Variants in OR10H5 observed in about 807,000 individuals in gnomAD.
OR10H5 encodes the protein olfactory receptor 10H5.
OR10H5 carries 7 observed loss-of-function variants against 12.2 expected under a neutral mutation model. The ratio of observed to expected loss-of-function variants is 0.57; its 90% CI spans 0.33 to 1.07. The LOEUF (loss-of-function observed/expected upper bound fraction) is 1.07. OR10H5 is among the 50% of genes least tolerant of loss of function. OR10H5 has a pLI of 0.04. For synonymous variants in OR10H5, 159 were observed against 175.1 expected (o/e 0.91, Z 0.73); for missense variants, 346 against 411.6 (o/e 0.84, Z 1.38).
In OR10H5 at chr19:15,795,688, A is replaced by G. The variant is rs10426473; in HGVS notation, c.*692A>G. On this transcript the variant is annotated 3_prime_UTR_variant, in exon 2 of 2. Coordinates refer to ENST00000642092, the MANE Select transcript of OR10H5 (RefSeq NM_001004466.2). The stretch of plus-strand genomic sequence containing the variant: ...TTGGGGTTTTGATTTGCATTTCCCC[A>G]ATGACTAATGACAGGCTTTAGGTGC... The G allele has an allele frequency of 0.94, 143,783 of 152,432 alleles. 67,868 individuals carry two copies. The highest frequency in any genetic ancestry group is 1 in the East Asian group (5,180 of 5,182). The allele number at this position is 152,432 out of a possible 1,614,324, so 9.4% of individuals were successfully genotyped here.
At position 15,794,336 on chromosome 19, in the gene OR10H5, C is replaced by A; in HGVS notation, c.288C>A (p.Ala96=). 6.2e-7 allele frequency: 1 copy of A among 1,614,144 alleles called. No individual in the cohort carries two copies. The highest frequency in any genetic ancestry group is 8.5e-7 in the Non-Finnish European group (1 of 1,179,994). The change falls in exon 2 of 2, where the codon GCC becomes GCA. Residue 96 remains alanine (A), a synonymous_variant. Transcript: ENST00000642092. ...LSTQRSIAFL[A]CASQMFFSFS... is the part of the protein sequence containing the mutation. ...CCCAGCGCTCCATCGCCTTCCTGGC[C>A]TGTGCCAGTCAGATGTTCTTCTCCT...
chr19:15,790,161 G>C (rs897996845), intron 1 of OR10H5, among the ~76,000 whole-genome samples: 1 of 152,138 alleles, frequency 6.6e-6, no homozygotes, highest in African/African-American at 2.4e-5. Context: ...CCAGGAGAGA[G>C]GAAGAGGTGA....
rs2088861151 is a variant in OR10H5 at position 15,800,191 on chromosome 19, C to T, written c.*5195C>T. ...CCTCAGAGCTTTTATCACAAGTTCC[C>T]ATATATATTAATTGGTGCAATTATT... On this transcript the variant is annotated 3_prime_UTR_variant, in exon 2 of 2. Coordinates refer to ENST00000642092, the MANE Select transcript of OR10H5 (RefSeq NM_001004466.2). The T allele has an allele frequency of 6.6e-6, 1 of 152,088 alleles. No homozygotes were observed. The highest frequency in any genetic ancestry group is 2.4e-5 in the African/African-American group (1 of 41,398). 9.4% of individuals were successfully genotyped at this position (152,088 alleles called of 1,614,324 possible).
chr19:15,795,217 C>T lies in OR10H5; in HGVS notation c.*221C>T, dbSNP rs1036274970. On this transcript the variant is annotated 3_prime_UTR_variant, in exon 2 of 2. Transcript: ENST00000642092. ...TCCATCCTTCCTCCCTCCCTCCCTC[C>T]CCCTTCCTTCTTCTCTGCCTACTTC... 30 of 561,022 alleles carry T rather than the reference C, an allele frequency of 5.3e-5. No individual in the cohort carries two copies. The South Asian group carries it at 6.5e-4, about 12-fold the overall frequency. 34.8% of individuals were successfully genotyped at this position (561,022 alleles called of 1,614,324 possible). A position where few individuals can be genotyped will look rare whatever the true frequency, so the allele number is the denominator to read the frequency against.
Position 15,794,324 on chromosome 19 carries a change from C to T in OR10H5, c.276C>T (p.Ile92=), listed in dbSNP as rs540433111. 6.8e-5 allele frequency: 110 copies of T among 1,614,158 alleles called. No homozygotes were observed. The Middle Eastern group carries it at 1.2e-3, about 17-fold the overall frequency. Residue 92 remains isoleucine (I), a synonymous_variant, in exon 2 of 2, where the codon ATC becomes ATT. Transcript: ENST00000642092. ...LADLLSTQRS[I]AFLACASQMF... ...ACCTGCTGTCCACCCAGCGCTCCATCGCCTTCCTGGCCTGTGCCAGTCAGA... is the reference window on the plus strand; with the variant it reads ...ACCTGCTGTCCACCCAGCGCTCCATTGCCTTCCTGGCCTGTGCCAGTCAGA...
At chr19:15,789,092 T>G (rs2088797421) in intron 1 of OR10H5, among the ~76,000 whole-genome samples, 1 of 152,150 alleles carries the variant, frequency 6.6e-6, no homozygotes, top group African/African-American at 2.4e-5. Flanking sequence ...AAGGTCACAT[T>G]CTGAGGTTCT....
At position 15,795,318 on chromosome 19, in the gene OR10H5, CTTTTGT is replaced by C. The variant is rs533688725; in HGVS notation, c.*344_*349del. 154 of 306,676 alleles carry C rather than the reference CTTTTGT, an allele frequency of 5.0e-4. No homozygotes were observed. The highest frequency in any genetic ancestry group is 2.2e-3 in the African/African-American group (101 of 45,488). 19.0% of individuals were successfully genotyped at this position (306,676 alleles called of 1,614,324 possible). A position where few individuals can be genotyped will look rare whatever the true frequency, so the allele number is the denominator to read the frequency against. On this transcript the variant is annotated 3_prime_UTR_variant, in exon 2 of 2. Transcript: ENST00000642092. ...GTCACTCTCTTTCTCCCTCCTTGTTCTTTTGTTTTTGTTTTTGTTTTTGTTTTGACT... is the reference window on the plus strand; with the variant it reads ...GTCACTCTCTTTCTCCCTCCTTGTTCTTTTGTTTTTGTTTTTGTTTTGACT...
At chr19:15,792,207 C>T (rs1294411120) in intron 1 of OR10H5, among the ~76,000 whole-genome samples, 3 of 148,840 alleles carry the variant, frequency 2.0e-5, no homozygotes, top group Admixed American at 2.0e-4. Context: ...TTTTCATTAT[C>T]ATTTTTTTAT....
chr19:15,799,895 G>A lies in OR10H5; in HGVS notation c.*4899G>A, dbSNP rs1016325386. 2 of 151,824 alleles carry A rather than the reference G, an allele frequency of 1.3e-5. No homozygotes were observed. Among genetic ancestry groups the A allele is most frequent in the Non-Finnish European group, 2.9e-5 (2 of 67,972 alleles). 9.4% of individuals were successfully genotyped at this position (151,824 alleles called of 1,614,324 possible). A position where few individuals can be genotyped will look rare whatever the true frequency, so the allele number is the denominator to read the frequency against. On this transcript the variant is annotated 3_prime_UTR_variant, in exon 2 of 2. Transcript: ENST00000642092. The stretch of plus-strand genomic sequence containing the variant: ...TTTTTTGTGTTTTTAGTACAGACAG[G>A]GTTTCGCCATGTTGCCCAGGATGGT...
At chr19:15,788,276 G>A (rs892030693) in intron 1 of OR10H5, among the ~76,000 whole-genome samples, 9 of 152,036 alleles carry the variant, frequency 5.9e-5, no homozygotes, top group African/African-American at 1.2e-4. Context: ...AAAGCAAGAC[G>A]TCTACAAAGC....
At position 15,799,033 on chromosome 19, in the gene OR10H5, A is replaced by T. The variant is rs957386521; in HGVS notation, c.*4037A>T. ...CGGCCTCCCAAGGTGCCGGGATTAC[A>T]GGTGTGAGCCACCACATCCAGCCAG... is the stretch of plus-strand genomic sequence containing the variant. On this transcript the variant is annotated 3_prime_UTR_variant, in exon 2 of 2. Transcript: ENST00000642092. 6.6e-6 allele frequency: 1 copy of T among 152,194 alleles called. No individual in the cohort carries two copies. Among genetic ancestry groups the T allele is most frequent in the Non-Finnish European group, 1.5e-5 (1 of 68,044 alleles). 9.4% of individuals were successfully genotyped at this position (152,194 alleles called of 1,614,324 possible). A position where few individuals can be genotyped will look rare whatever the true frequency, so the allele number is the denominator to read the frequency against.
chr19:15,794,651 C>T lies in OR10H5; in HGVS notation c.603C>T (p.Gly201=), dbSNP rs1230598640. The change falls in exon 2 of 2, where the codon GGC becomes GGT. Residue 201 remains glycine, a synonymous_variant. Transcript: ENST00000642092. ...TGCTGGTGGTGGCCAAAGGCGTGGG[C>T]TTGGTGTGTATCACGGCCCTGCTGG... ...DDVLVVAKGV[G]LVCITALLGC... The T allele has an allele frequency of 7.4e-6, 12 of 1,614,048 alleles. No individual in the cohort carries two copies. The highest frequency in any genetic ancestry group is 1.0e-5 in the Non-Finnish European group (12 of 1,180,028).
chr19:15,796,794 A>G lies in OR10H5; in HGVS notation c.*1798A>G, dbSNP rs1481521476. 3 of 151,858 alleles carry G rather than the reference A, an allele frequency of 2.0e-5. No homozygotes were observed. Among genetic ancestry groups the G allele is most frequent in the African/African-American group, 7.3e-5 (3 of 41,346 alleles). 9.4% of individuals were successfully genotyped at this position (151,858 alleles called of 1,614,324 possible). ...AAATTAAATTAAACGCTTTGCAAAA[A>G]AAAAAAACTACCCATTAAATCCGGG... On this transcript the variant is annotated 3_prime_UTR_variant, in exon 2 of 2. Coordinates refer to ENST00000642092, the MANE Select transcript of OR10H5 (RefSeq NM_001004466.2).
At chr19:15,793,210 C>T (rs1384259525) in intron 1 of OR10H5, among the ~76,000 whole-genome samples, 1 of 152,108 alleles carries the variant, frequency 6.6e-6, no homozygotes, top group African/African-American at 2.4e-5. Context: ...GCCTTGACCT[C>T]CCAGGCTCAA....
At chr19:15,791,629 C>T (rs1212738422) in intron 1 of OR10H5, among the ~76,000 whole-genome samples, 2 of 152,034 alleles carry the variant, frequency 1.3e-5, no homozygotes, top group Non-Finnish European at 2.9e-5. Flanking sequence ...CCCTTCCCTG[C>T]CCCCACCACA....
intron 1 of OR10H5, among the ~76,000 whole-genome samples, chr19:15,790,040 G>A (rs913754170): frequency 2.0e-5 from 3 of 152,124 alleles, no homozygotes; most frequent in Admixed American, 6.6e-5. Context: ...TCCTGCCTCA[G>A]CCTCCAAAAG....
chr19:15,790,635 G>T (rs1162855749), intron 1 of OR10H5, among the ~76,000 whole-genome samples: 1 of 152,142 alleles, frequency 6.6e-6, no homozygotes, highest in African/African-American at 2.4e-5. Flanking sequence ...GAGGGGGAGG[G>T]AGTGAGGCTC....
At position 15,794,266 on chromosome 19, in the gene OR10H5, A is replaced by G. The variant is rs748238423; in HGVS notation, c.218A>G (p.Tyr73Cys). The change falls in exon 2 of 2, where the codon TAC becomes TGC. Residue 73 changes from tyrosine (Y) to cysteine (C), a missense_variant. By Grantham distance (194) the Tyr-to-Cys change is radical. Coordinates refer to ENST00000642092, the MANE Select transcript of OR10H5 (RefSeq NM_001004466.2). The stretch of plus-strand genomic sequence containing the variant: ...GCCCTCTCCATCACCGAGATCCTCT[A>G]CACCGTGGCCATCATCCCGCGCATG... ...LCALSITEIL[Y>C]TVAIIPRMLA... 20 of 1,613,770 alleles carry G rather than the reference A, an allele frequency of 1.2e-5. No homozygotes were observed. The South Asian group carries it at 2.2e-4, about 18-fold the overall frequency.
rs2088839163 is a variant in OR10H5 at position 15,796,188 on chromosome 19, G to A, written c.*1192G>A. ...GAACCTATTCTTTAAATTAGAGCTG[G>A]GGATAAGAAGTACACATTTCTCAGG... is the stretch of plus-strand genomic sequence containing the variant. On this transcript the variant is annotated 3_prime_UTR_variant, in exon 2 of 2. Coordinates refer to ENST00000642092, the MANE Select transcript of OR10H5 (RefSeq NM_001004466.2). 6.6e-6 allele frequency: 1 copy of A among 152,218 alleles called. No homozygotes were observed. Among genetic ancestry groups the A allele is most frequent in the African/African-American group, 2.4e-5 (1 of 41,456 alleles). 9.4% of individuals were successfully genotyped at this position (152,218 alleles called of 1,614,324 possible). A position where few individuals can be genotyped will look rare whatever the true frequency, so the allele number is the denominator to read the frequency against.
Sources: gnomAD v4.1 joint callset for allele counts (sites outside exome capture counted in the v4.1 genomes callset) on GRCh38, gnomAD v4.1.1 for gene constraint, MANE v1.5 for transcripts, NCBI Gene and HGNC (gene_info 2026-07-23, HGNC 2026-07-21) for gene names.